TACC1: variants seen among roughly 807,000 people sequenced by gnomAD.
The protein encoded by TACC1 is transforming acidic coiled-coil containing protein 1.
TACC1 carries 48 observed loss-of-function variants against 84.4 expected under a neutral mutation model. The observed-to-expected ratio is 0.57, with a 90% CI of 0.45 to 0.72. The LOEUF (loss-of-function observed/expected upper bound fraction) is 0.72. Among genes scored for constraint, TACC1 ranks in the 30% least tolerant of loss-of-function variants. TACC1 has a pLI of 0.00. For synonymous variants in TACC1, 372 were observed against 376.3 expected (o/e 0.99, Z 0.13); for missense variants, 920 against 973.0 (o/e 0.95, Z 0.72).
At chr8:38,768,851 T>G (rs1243415488) in intron 3 of TACC1, among the ~76,000 whole-genome samples, 1 of 146,872 alleles carries the variant, frequency 6.8e-6, no homozygotes, top group East Asian at 2.0e-4. Flanking sequence ...TGGGTGGGGG[T>G]GTGTGGTGTG....
At chr8:38,813,729 A>G (rs1196512194) in intron 2 of TACC1, among the ~76,000 whole-genome samples, 1 of 152,184 alleles carries the variant, frequency 6.6e-6, no homozygotes, top group Non-Finnish European at 1.5e-5. Flanking sequence ...CATGGTTGTA[A>G]TGCCCATCCT....
Position 38,852,926 on chromosome 8 carries a change from CAAGT to C in TACC1, c.*4906_*4909del, listed in dbSNP as rs1184954272. ...CACAGTAATTTCCCTTTTTATATGT[CAAGT>C]AACTATTTGTAAAAGTTATACTCAC... On this transcript the variant is annotated 3_prime_UTR_variant, in exon 13 of 13. Coordinates refer to ENST00000317827, the MANE Select transcript of TACC1 (RefSeq NM_006283.3). 6.6e-6 allele frequency: 1 copy of C among 152,552 alleles called. No homozygotes were observed. Among genetic ancestry groups the C allele is most frequent in the Non-Finnish European group, 1.5e-5 (1 of 68,042 alleles). The allele number at this position is 152,552 out of a possible 1,614,324, so 9.4% of individuals were successfully genotyped here.
chr8:38,805,655 G>GTGCTTGGTTGGTTGGT (rs1822512384), intron 2 of TACC1: 1 of 152,314 alleles, frequency 6.6e-6, no homozygotes, highest in Non-Finnish European at 1.5e-5. Context: ...GTAAGGACCT[G>GTGCTTGGTTGGTTGGT]TGCTTGGTTG....
rs1826335199 is a variant in TACC1, at chr8:38,820,025, A to G, written c.781A>G (p.Lys261Glu). Residue 261 changes from lysine (K) to glutamate (E), a missense_variant, in exon 3 of 13, where the codon AAG (lysine) becomes GAG (glutamate). Physicochemically the swap from Lys to Glu is moderately conservative, Grantham distance 56 (BLOSUM62 1). Around this residue, in one of 2 missense-constraint regions of TACC1, gnomAD observed 762 missense variants for 747.3 expected, o/e 1.02. Transcript: ENST00000317827. ...TGCTGTGGAGGGCACACCTCTCCCC[A>G]AGGCATCCTATCACTTCAGTCCTGA... ...NAAVEGTPLP[K>E]ASYHFSPEEL... is the part of the protein sequence containing the mutation. The G allele has an allele frequency of 6.2e-7, 1 of 1,614,030 alleles. No homozygotes were observed. Among genetic ancestry groups the G allele is most frequent in the East Asian group, 2.2e-5 (1 of 44,878 alleles).
chr8:38,808,449 G>C (rs1165373259), intron 2 of TACC1, among the ~76,000 whole-genome samples: 1 of 152,168 alleles, frequency 6.6e-6, no homozygotes, highest in Non-Finnish European at 1.5e-5. Context: ...GACTTGCTCT[G>C]TTGTCCAGGC....
At chr8:38,824,033 C>T (rs1207903853) in intron 3 of TACC1, 2 of 1,351,848 alleles carry the variant, frequency 1.5e-6, no homozygotes, top group Non-Finnish European at 2.0e-6. Flanking sequence ...GTTGTAAGTA[C>T]TCCTGCTGTT....
chr8:38,755,387 A>G (rs1272369388), intron 3 of TACC1, among the ~76,000 whole-genome samples: 1 of 152,180 alleles, frequency 6.6e-6, no homozygotes, highest in East Asian at 1.9e-4. Flanking sequence ...TGTGCTGGGC[A>G]CTAAGCTAGA....
At chr8:38,729,792 C>A (rs1428714790) in intron 1 of TACC1, among the ~76,000 whole-genome samples, 5 of 152,062 alleles carry the variant, frequency 3.3e-5, no homozygotes, top group African/African-American at 1.2e-4. Flanking sequence ...TTACTTGAAC[C>A]CGGGAGGTGG....
intron 3 of TACC1, among the ~76,000 whole-genome samples, chr8:38,774,464 C>G (rs1003239397): frequency 6.6e-6 from 1 of 152,036 alleles, no homozygotes; most frequent in Non-Finnish European, 1.5e-5. Flanking sequence ...TATTATTTTG[C>G]CTTAAACACT....
chr8:38,728,719 G>A (rs1220564259), intron 1 of TACC1: 1 of 152,266 alleles, frequency 6.6e-6, no homozygotes, highest in Non-Finnish European at 1.5e-5. Context: ...CACACTTATT[G>A]AGCAAAACGA....
intron 3 of TACC1, among the ~76,000 whole-genome samples, chr8:38,766,086 C>T (rs1036625682): frequency 4.6e-5 from 7 of 152,160 alleles, no homozygotes; most frequent in African/African-American, 1.7e-4. Flanking sequence ...TAAGGAATGG[C>T]AAATGATGAA....
intron 1 of TACC1, among the ~76,000 whole-genome samples, chr8:38,736,183 G>C (rs554736305): frequency 1.9e-4 from 29 of 152,252 alleles, no homozygotes; most frequent in Admixed American, 3.3e-4. Context: ...AATGATGCTT[G>C]GGGTTGCATT....
chr8:38,798,884 G>A (rs192772595), intron 2 of TACC1, among the ~76,000 whole-genome samples: 300 of 152,092 alleles, frequency 2.0e-3, no homozygotes, highest in Non-Finnish European at 2.9e-3. Context: ...ACAATAAATT[G>A]TGTACTTCTC....
At chr8:38,796,849 G>A (rs1820118608) in intron 2 of TACC1, among the ~76,000 whole-genome samples, 1 of 152,202 alleles carries the variant, frequency 6.6e-6, no homozygotes, top group South Asian at 2.1e-4. Context: ...CTTTGTTGGT[G>A]ATCTCTGGCT....
intron 5 of TACC1, among the ~76,000 whole-genome samples, chr8:38,829,933 T>G (rs995690929): frequency 6.6e-6 from 1 of 152,176 alleles, no homozygotes; most frequent in Non-Finnish European, 1.5e-5. Context: ...TGGGTCCTGA[T>G]GGATACTTAC....
intron 3 of TACC1, among the ~76,000 whole-genome samples, chr8:38,764,222 C>T (rs1016894931): frequency 6.6e-6 from 1 of 152,002 alleles, no homozygotes; most frequent in Non-Finnish European, 1.5e-5. Flanking sequence ...GGATTACAGG[C>T]GCCCACCACC....
intron 1 of TACC1, among the ~76,000 whole-genome samples, chr8:38,729,798 G>C (rs948550544): frequency 6.6e-6 from 1 of 152,176 alleles, no homozygotes; most frequent in African/African-American, 2.4e-5. Flanking sequence ...GAACCCGGGA[G>C]GTGGAGGTTA....
At chr8:38,792,403 C>G (rs1026769533) in intron 2 of TACC1, among the ~76,000 whole-genome samples, 1 of 152,214 alleles carries the variant, frequency 6.6e-6, no homozygotes, top group Non-Finnish European at 1.5e-5. Flanking sequence ...AGATGATCCT[C>G]CTGCCTCAGC....
At chr8:38,811,722 G>A (rs981859708) in intron 2 of TACC1, among the ~76,000 whole-genome samples, 1 of 152,150 alleles carries the variant, frequency 6.6e-6, no homozygotes, top group African/African-American at 2.4e-5. Flanking sequence ...CAAATTGATT[G>A]TGAAGCATGT....
Sources: allele counts gnomAD v4.1 joint callset (sites outside exome capture counted in the v4.1 genomes callset), GRCh38; gene constraint gnomAD v4.1.1; regional missense constraint gnomAD v4.1.1; transcripts MANE v1.5; gene names NCBI Gene and HGNC (gene_info 2026-07-23, HGNC 2026-07-21).